MTSS1: variants seen among roughly 807,000 people sequenced by gnomAD.
MTSS1 encodes the protein protein MTSS 1.
Under a neutral mutation model 79.0 loss-of-function variants are expected in MTSS1, and 18 were observed. The ratio of observed to expected loss-of-function variants is 0.23; its 90% CI spans 0.16 to 0.34. The LOEUF (loss-of-function observed/expected upper bound fraction) is 0.34, where lower values mean the gene tolerates loss of function less well. Among genes scored for constraint, MTSS1 ranks in the 10% least tolerant of loss-of-function variants. The pLI, the probability that MTSS1 is intolerant of heterozygous loss-of-function variation, is 1.00. For missense variants in MTSS1, 815 were observed against 986.2 expected (o/e 0.83, Z 2.33); for synonymous variants, 341 against 368.6 (o/e 0.93, Z 0.86).
At chr8:124,603,507 G>A (rs1467950488) in intron 3 of MTSS1, among the ~76,000 whole-genome samples, 1 of 152,222 alleles carries the variant, frequency 6.6e-6, no homozygotes, top group Non-Finnish European at 1.5e-5. Flanking sequence ...TCAGCACTCA[G>A]GATATTAAGA....
At chr8:124,604,128 G>A (rs1166018386) in intron 3 of MTSS1, among the ~76,000 whole-genome samples, 1 of 152,110 alleles carries the variant, frequency 6.6e-6, no homozygotes, top group Non-Finnish European at 1.5e-5. Context: ...CAGGAAAATC[G>A]CTTGGACCCG....
In MTSS1 at chr8:124,562,838, G is replaced by A; in HGVS notation, c.979C>T (p.Gln327Ter). 1 of 1,614,178 alleles carries A rather than the reference G, an allele frequency of 6.2e-7. No individual in the cohort carries two copies. Among genetic ancestry groups the A allele is most frequent in the Non-Finnish European group, 8.5e-7 (1 of 1,180,036 alleles). ...VSSHDSGFIS[Q>*]DAFQSKSPSP... Reference sequence around the variant, plus strand: ...GGTGACTTGGACTGGAAGGCATCCTGGGATATGAATCCTGAGTCATGGGAG... The same window carrying A: ...GGTGACTTGGACTGGAAGGCATCCTAGGATATGAATCCTGAGTCATGGGAG... The change falls in exon 10 of 14, where the codon CAG becomes TAG. Residue 327 changes from glutamine to a stop codon, truncating the protein, a stop_gained. Coordinates refer to ENST00000518547, the MANE Select transcript of MTSS1 (RefSeq NM_014751.6). LOFTEE classifies it high-confidence loss of function.
At position 124,720,758 on chromosome 8, in the gene MTSS1, T is replaced by C. The variant is rs574761879; in HGVS notation, c.72+7126A>G. ...GAAGTGGTGGAGATAATTACTCCAC[T>C]GATTCTAAGACTTCAAAATACCTCA... On this transcript the variant is annotated intron_variant, in intron 1 of 13. Coordinates refer to ENST00000518547, the MANE Select transcript of MTSS1 (RefSeq NM_014751.6). Among the ~76,000 whole-genome samples, 4 of 152,374 alleles carry C rather than the reference T, an allele frequency of 2.6e-5. No homozygotes were observed. In the South Asian group the frequency reaches 6.2e-4, roughly 24 times the overall value.
chr8:124,568,018 A>C (rs953487146), intron 7 of MTSS1: 35 of 1,204,044 alleles, frequency 2.9e-5, no homozygotes, highest in Non-Finnish European at 3.6e-5. Context: ...AACACAGACG[A>C]CTGGGTCCCC....
At chr8:124,629,385 C>T (rs868618221) in intron 3 of MTSS1, among the ~76,000 whole-genome samples, 1 of 150,888 alleles carries the variant, frequency 6.6e-6, no homozygotes, top group Non-Finnish European at 1.5e-5. Flanking sequence ...GGTGTGGTGG[C>T]GGGCACCTGT....
At chr8:124,626,718 C>T (rs193020514) in intron 3 of MTSS1, among the ~76,000 whole-genome samples, 19 of 152,098 alleles carry the variant, frequency 1.2e-4, no homozygotes, top group African/African-American at 4.1e-4. Context: ...GAAATGATTA[C>T]GGTGCAGTGA....
intron 3 of MTSS1, among the ~76,000 whole-genome samples, chr8:124,612,574 A>ATGTGTGTGTGTGTGTGTGTG (rs58367314): frequency 3.0e-5 from 3 of 99,488 alleles, no homozygotes; most frequent in Non-Finnish European, 6.1e-5. Context: ...CAAGTTTAAA[A>ATGTGTGTGTGTGTGTGTGTG]TGTGTGTGTG....
intron 3 of MTSS1, among the ~76,000 whole-genome samples, chr8:124,660,504 G>A (rs1318216943): frequency 6.6e-6 from 1 of 150,650 alleles, no homozygotes; most frequent in African/African-American, 2.4e-5. Context: ...GCAAGATCAA[G>A]GGGATAAATC....
In MTSS1 at chr8:124,727,719, C is replaced by T. The variant is rs561190394; in HGVS notation, c.72+165G>A. ...CCCAGTGACCCCGCAGAGCCCGGAG[C>T]AGCGCCCCGGGTGAGCAGGTGACAC... is the stretch of plus-strand genomic sequence containing the variant. On this transcript the variant is annotated intron_variant, in intron 1 of 13. Coordinates refer to ENST00000518547, the MANE Select transcript of MTSS1 (RefSeq NM_014751.6). The surrounding 1 kb of genome is among the most constrained non-coding windows in gnomAD (Gnocchi z 4.7). 3.4e-4 allele frequency: 235 copies of T among 682,420 alleles called. 1 individual carries two copies. The African/African-American group carries it at 3.8e-3, about 11-fold the overall frequency. 42.3% of individuals were successfully genotyped at this position (682,420 alleles called of 1,614,324 possible).
At chr8:124,675,039 C>T (rs1237115933) in intron 3 of MTSS1, among the ~76,000 whole-genome samples, 1 of 152,190 alleles carries the variant, frequency 6.6e-6, no homozygotes, top group African/African-American at 2.4e-5. Context: ...CATTCTTGCT[C>T]TTTCTGTTTT....
At chr8:124,670,431 TGGCGGCACC>T (rs1563968947) in intron 3 of MTSS1, among the ~76,000 whole-genome samples, 1 of 151,458 alleles carries the variant, frequency 6.6e-6, no homozygotes, top group Admixed American at 6.6e-5. Flanking sequence ...CCACACAGCC[TGGCGGCACC>T]CCACACAGCC....
chr8:124,725,962 T>G (rs1466756514), intron 1 of MTSS1, among the ~76,000 whole-genome samples: 1 of 151,504 alleles, frequency 6.6e-6, no homozygotes, highest in Non-Finnish European at 1.5e-5. Context: ...CTTTTAAAAT[T>G]TTACTGCCAA....
chr8:124,725,416 A>G (rs1198602868), intron 1 of MTSS1, among the ~76,000 whole-genome samples: 1 of 152,004 alleles, frequency 6.6e-6, no homozygotes, highest in Non-Finnish European at 1.5e-5. Flanking sequence ...GCTGCTGTAC[A>G]TTTTGAAGAA....
Position 124,727,485 on chromosome 8 carries a change from A to G in MTSS1, c.72+399T>C. On this transcript the variant is annotated intron_variant, in intron 1 of 13. Transcript: ENST00000518547. The surrounding 1 kb of genome is among the most constrained non-coding windows in gnomAD (Gnocchi z 4.7). ...CCCACTTCCTCCCCACCACCGCGCC[A>G]GGCGCCCCCACCCCGTGCCCGGAGG... The G allele has an allele frequency of 2.2e-6, 1 of 446,790 alleles. No homozygotes were observed. The highest frequency in any genetic ancestry group is 4.5e-6 in the Non-Finnish European group (1 of 223,018). The allele number at this position is 446,790 out of a possible 1,614,324, so 27.7% of individuals were successfully genotyped here. A position where few individuals can be genotyped will look rare whatever the true frequency, so the allele number is the denominator to read the frequency against.
At chr8:124,705,183 A>T (rs1830217883) in intron 1 of MTSS1, among the ~76,000 whole-genome samples, 1 of 152,084 alleles carries the variant, frequency 6.6e-6, no homozygotes, top group Non-Finnish European at 1.5e-5. Context: ...TAAGTACAGA[A>T]CTAAGGGCCG....
At chr8:124,572,808 G>A (rs13269376) in intron 6 of MTSS1, among the ~76,000 whole-genome samples, 43,857 of 147,690 alleles carry the variant, frequency 0.3, 7,062 homozygotes, top group African/African-American at 0.41. Context: ...GTGCAGTGGC[G>A]TGATCTCAGC....
At chr8:124,684,184 C>T (rs576153134) in intron 3 of MTSS1, among the ~76,000 whole-genome samples, 8 of 152,172 alleles carry the variant, frequency 5.3e-5, no homozygotes, top group East Asian at 1.9e-4. Context: ...TCTGATACCA[C>T]GGCCATTAAA....
chr8:124,672,822 C>T (rs1824501633), intron 3 of MTSS1, among the ~76,000 whole-genome samples: 1 of 151,906 alleles, frequency 6.6e-6, no homozygotes, highest in Non-Finnish European at 1.5e-5. Flanking sequence ...AATAAATACA[C>T]ACATGCACAC....
chr8:124,573,884 TC>T (rs1563778290), intron 6 of MTSS1, among the ~76,000 whole-genome samples: 1 of 151,918 alleles, frequency 6.6e-6, no homozygotes, highest in Non-Finnish European at 1.5e-5. Flanking sequence ...GAGCCCCTTA[TC>T]CCCCCACCCC....
Sources: allele counts gnomAD v4.1 joint callset (sites outside exome capture counted in the v4.1 genomes callset), GRCh38; gene constraint gnomAD v4.1.1; non-coding constraint Gnocchi (gnomAD v3.1); transcripts MANE v1.5; gene names NCBI Gene and HGNC (gene_info 2026-07-23, HGNC 2026-07-21).